TAS2R1: variants seen among roughly 807,000 people sequenced by gnomAD.
The protein encoded by TAS2R1 is taste 2 receptor member 1.
For synonymous variants in TAS2R1, 141 were observed against 134.2 expected (o/e 1.05, Z -0.35); for missense variants, 370 against 353.4 (o/e 1.05, Z -0.38).
the TAS2R1 span, among the ~76,000 whole-genome samples, chr5:9,733,773 T>C: frequency 1.3e-5 from 2 of 151,760 alleles, no homozygotes; most frequent in South Asian, 2.1e-4. Context: ...ATATCACAAG[T>C]AGCAATTGGG....
In TAS2R1 at chr5:9,649,849, G is replaced by T. The variant is rs556852802; in HGVS notation, c.-81+9572C>A. Among the ~76,000 whole-genome samples the T allele has an allele frequency of 3.9e-5, 6 of 152,258 alleles. No individual in the cohort carries two copies. In the South Asian group the frequency reaches 1.2e-3, roughly 32 times the overall value. The stretch of plus-strand genomic sequence containing the variant: ...TTAATATCTGTCATTTGGGGGAAAA[G>T]GTTTTGAGAGGCTACATTTTTAAAA... On this transcript the variant is annotated intron_variant, in intron 2 of 2. Coordinates refer to the TAS2R1 transcript ENST00000506620.
At chr5:9,828,391 G>C in the TAS2R1 span, among the ~76,000 whole-genome samples, 2 of 152,286 alleles carry the variant, frequency 1.3e-5, no homozygotes, top group South Asian at 4.1e-4. Flanking sequence ...CTCCCAAAGT[G>C]CTGGGATTAC....
chr5:9,718,686 G>T, the TAS2R1 span, among the ~76,000 whole-genome samples: 1 of 152,180 alleles, frequency 6.6e-6, no homozygotes, highest in African/African-American at 2.4e-5. Context: ...CAACATTTTT[G>T]ACCAGGTGGT....
chr5:9,789,354 T>C, the TAS2R1 span, among the ~76,000 whole-genome samples: 1 of 152,228 alleles, frequency 6.6e-6, no homozygotes, highest in Non-Finnish European at 1.5e-5. Context: ...ACAGAGTCAT[T>C]TTCTTCATTA....
chr5:9,853,167 T>C, the TAS2R1 span, among the ~76,000 whole-genome samples: 9 of 152,246 alleles, frequency 5.9e-5, no homozygotes, highest in African/African-American at 1.9e-4. Flanking sequence ...GCCCAAAAAT[T>C]AGGGCTTAGT....
chr5:9,720,816 C>T, the TAS2R1 span, among the ~76,000 whole-genome samples: 1 of 152,212 alleles, frequency 6.6e-6, no homozygotes, highest in African/African-American at 2.4e-5. Flanking sequence ...CTCTGCATCT[C>T]GAAGGTTTCC....
intron 2 of TAS2R1, chr5:9,641,419 T>C (rs1740082621): frequency 6.6e-6 from 1 of 152,190 alleles, no homozygotes; most frequent in Non-Finnish European, 1.5e-5. Flanking sequence ...CATTACATAA[T>C]TTCTGTCACT....
At chr5:9,694,253 CA>C (rs1443871729) in intron 1 of TAS2R1, among the ~76,000 whole-genome samples, 2 of 151,672 alleles carry the variant, frequency 1.3e-5, no homozygotes, top group African/African-American at 4.8e-5. Flanking sequence ...TGAAAAAAAA[CA>C]AAATCAAACA....
the TAS2R1 span, among the ~76,000 whole-genome samples, chr5:9,838,722 T>C: frequency 2.0e-5 from 3 of 152,174 alleles, no homozygotes; most frequent in African/African-American, 7.2e-5. Flanking sequence ...GCAAGCCCAA[T>C]AAAATGGATT....
the TAS2R1 span, among the ~76,000 whole-genome samples, chr5:9,845,039 A>G: frequency 6.6e-6 from 1 of 152,134 alleles, no homozygotes; most frequent in Non-Finnish European, 1.5e-5. Context: ...TATGGACTGA[A>G]TATTTGTGTC....
the TAS2R1 span, among the ~76,000 whole-genome samples, chr5:9,841,625 G>C: frequency 2.0e-5 from 3 of 152,152 alleles, no homozygotes; most frequent in Non-Finnish European, 2.9e-5. Context: ...ACCAAAACAT[G>C]ATGGGAAATG....
intron 1 of TAS2R1, among the ~76,000 whole-genome samples, chr5:9,695,059 C>T (rs193218512): frequency 7.6e-4 from 115 of 152,194 alleles, no homozygotes; most frequent in Admixed American, 2.0e-3. Context: ...GGACTTAGGG[C>T]GGTTACGCAC....
intron 1 of TAS2R1, among the ~76,000 whole-genome samples, chr5:9,700,296 G>T (rs1408710406): frequency 6.6e-6 from 1 of 152,262 alleles, no homozygotes; most frequent in South Asian, 2.1e-4. Flanking sequence ...GAGGTTTCCA[G>T]ACTAGAATCT....
Position 9,681,354 on chromosome 5 carries a change from A to T in TAS2R1, c.-241-21773T>A, listed in dbSNP as rs117185028. On this transcript the variant is annotated intron_variant, in intron 1 of 2. Coordinates refer to the TAS2R1 transcript ENST00000506620. ...AAATCTAAAAACATCCTAAAAAATT[A>T]AGGTCTATTAAAAATTTAAGTTAGA... 5.1e-4 allele frequency among the ~76,000 whole-genome samples: 77 copies of T among 151,900 alleles called. No individual in the cohort carries two copies. The East Asian group carries it at 0.015, about 29-fold the overall frequency.
chr5:9,755,477 C>G, the TAS2R1 span, among the ~76,000 whole-genome samples: 1 of 150,796 alleles, frequency 6.6e-6, no homozygotes, highest in East Asian at 2.0e-4. Context: ...ATCCCAGCTA[C>G]TCGGGAGGCT....
chr5:9,729,348 G>A, the TAS2R1 span, among the ~76,000 whole-genome samples: 1 of 152,168 alleles, frequency 6.6e-6, no homozygotes, highest in Non-Finnish European at 1.5e-5. Context: ...TGGGCAAGTT[G>A]ATCTGGCCTC....
intron 2 of TAS2R1, among the ~76,000 whole-genome samples, chr5:9,654,586 G>A (rs1279488862): frequency 6.6e-6 from 1 of 152,086 alleles, no homozygotes; most frequent in Non-Finnish European, 1.5e-5. Context: ...GCATAGTCCA[G>A]AAAGGAAAAA....
the TAS2R1 span, among the ~76,000 whole-genome samples, chr5:9,804,401 G>A: frequency 6.6e-6 from 1 of 152,086 alleles, no homozygotes; most frequent in Non-Finnish European, 1.5e-5. Flanking sequence ...GGACTTAACA[G>A]ATATTTACAG....
the TAS2R1 span, among the ~76,000 whole-genome samples, chr5:9,749,977 G>A: frequency 6.6e-6 from 1 of 152,142 alleles, no homozygotes; most frequent in Non-Finnish European, 1.5e-5. Flanking sequence ...CTCTTGAGAG[G>A]CCCTCACCAG....
Sources: allele counts gnomAD v4.1 joint callset (sites outside exome capture counted in the v4.1 genomes callset), GRCh38; gene constraint gnomAD v4.1.1; transcripts MANE v1.5; gene names NCBI Gene and HGNC (gene_info 2026-07-23, HGNC 2026-07-21).